MOXD1: variants seen among roughly 807,000 people sequenced by gnomAD.
MOXD1 encodes the protein monooxygenase DBH like 1.
MOXD1 carries 62 observed loss-of-function variants against 66.6 expected under a neutral mutation model. That is an observed-to-expected ratio of 0.93 (90% CI 0.76 to 1.15). MOXD1 has a LOEUF of 1.15. MOXD1 is among the 50% of genes most tolerant of loss of function. MOXD1 has a pLI of 0.00. For synonymous variants in MOXD1, 303 were observed against 281.9 expected (o/e 1.07, Z -0.75); for missense variants, 847 against 754.6 (o/e 1.12, Z -1.44).
At chr6:132,336,448 G>A (rs1294364834) in intron 4 of MOXD1, among the ~76,000 whole-genome samples, 1 of 152,166 alleles carries the variant, frequency 6.6e-6, no homozygotes, top group African/African-American at 2.4e-5. Flanking sequence ...GACAATGGGA[G>A]CACAGAGGTA....
At chr6:132,350,424 C>G (rs1775779554) in intron 4 of MOXD1, among the ~76,000 whole-genome samples, 1 of 152,160 alleles carries the variant, frequency 6.6e-6, no homozygotes, top group Non-Finnish European at 1.5e-5. Context: ...TGTCGAAGAA[C>G]AGTTGGCTGT....
chr6:132,381,331 C>T (rs1188745419), intron 1 of MOXD1, among the ~76,000 whole-genome samples: 1 of 152,128 alleles, frequency 6.6e-6, no homozygotes, highest in Non-Finnish European at 1.5e-5. Flanking sequence ...TTTCTTCTGT[C>T]TGTATTAAGA....
chr6:132,386,158 T>A (rs1244648830), intron 1 of MOXD1, among the ~76,000 whole-genome samples: 2 of 137,830 alleles, frequency 1.5e-5, no homozygotes, highest in East Asian at 5.6e-4. Flanking sequence ...ATCCCAGCGC[T>A]TTGGGAGGCC....
chr6:132,327,158 C>T (rs1775208259), intron 6 of MOXD1, among the ~76,000 whole-genome samples: 1 of 152,182 alleles, frequency 6.6e-6, no homozygotes, highest in Admixed American at 6.5e-5. Context: ...CTTTTTAGCC[C>T]ATCCCCACCA....
rs867272747 is a variant in MOXD1 at position 132,344,840 on chromosome 6, C to T, written c.664-16246G>A. ...CTTTGGGTAAATAGGCTGCCCAACTCGTGTCTCACTCTCTGCTGAAAGCTG... is the reference window on the plus strand; with the variant it reads ...CTTTGGGTAAATAGGCTGCCCAACTTGTGTCTCACTCTCTGCTGAAAGCTG... On this transcript the variant is annotated intron_variant, in intron 4 of 11. Coordinates refer to ENST00000367963, the MANE Select transcript of MOXD1 (RefSeq NM_015529.4). Among the ~76,000 whole-genome samples the T allele has an allele frequency of 1.2e-4, 19 of 152,286 alleles. No individual in the cohort carries two copies. In the Middle Eastern group the frequency reaches 0.01, roughly 82 times the overall value.
chr6:132,326,157 A>G (rs1775183371), intron 6 of MOXD1, among the ~76,000 whole-genome samples: 1 of 152,146 alleles, frequency 6.6e-6, no homozygotes, highest in African/African-American at 2.4e-5. Context: ...ATAAAGTAAT[A>G]ATTTCTTAAG....
At chr6:132,390,013 A>G (rs1776725806) in intron 1 of MOXD1, among the ~76,000 whole-genome samples, 1 of 151,474 alleles carries the variant, frequency 6.6e-6, no homozygotes, top group Non-Finnish European at 1.5e-5. Context: ...ATATTATTGA[A>G]GATGAGAAAG....
At chr6:132,309,157 G>A (rs1285123244) in intron 10 of MOXD1, among the ~76,000 whole-genome samples, 3 of 152,152 alleles carry the variant, frequency 2.0e-5, no homozygotes, top group Non-Finnish European at 4.4e-5. Context: ...AAACTGATAA[G>A]CATCTTCAGC....
At chr6:132,346,629 G>A (rs1775674056) in intron 4 of MOXD1, among the ~76,000 whole-genome samples, 1 of 152,164 alleles carries the variant, frequency 6.6e-6, no homozygotes, top group African/African-American at 2.4e-5. Context: ...GGTAATGAAA[G>A]CAGGAGAAAT....
At chr6:132,349,382 T>TATATATATATACACATATATATAC (rs1775737748) in intron 4 of MOXD1, among the ~76,000 whole-genome samples, 1 of 110,306 alleles carries the variant, frequency 9.1e-6, no homozygotes, top group Non-Finnish European at 1.8e-5. Context: ...TATATACATG[T>TATATATATATACACATATATATAC]ATATATATAT....
chr6:132,331,147 T>A (rs764454564), intron 4 of MOXD1, among the ~76,000 whole-genome samples: 5 of 152,192 alleles, frequency 3.3e-5, no homozygotes, highest in Non-Finnish European at 7.3e-5. Context: ...TTTTTATGTC[T>A]AGTTTGAGCT....
At chr6:132,349,485 A>ATATATATATATACG (rs1775759205) in intron 4 of MOXD1, among the ~76,000 whole-genome samples, 2 of 24,942 alleles carry the variant, frequency 8.0e-5, no homozygotes, top group Non-Finnish European at 1.7e-4. Flanking sequence ...ATATATACAT[A>ATATATATATATACG]TATATATATA....
At chr6:132,379,044 G>C (rs1026382420) in intron 1 of MOXD1, among the ~76,000 whole-genome samples, 1 of 150,490 alleles carries the variant, frequency 6.6e-6, no homozygotes, top group Non-Finnish European at 1.5e-5. Flanking sequence ...GCATTACTTT[G>C]TTACCAAAAT....
Position 132,297,117 on chromosome 6 carries a change from T to C in MOXD1, c.*36A>G. Reference sequence around the variant, plus strand: ...CTGTACTTCAAATGACAGGTTCAGATCATAGAAAACATTGTCAAGTCCAAC... The same window carrying C: ...CTGTACTTCAAATGACAGGTTCAGACCATAGAAAACATTGTCAAGTCCAAC... On this transcript the variant is annotated 3_prime_UTR_variant, in exon 12 of 12. Transcript: ENST00000367963. The C allele has an allele frequency of 6.2e-7, 1 of 1,604,146 alleles. No homozygotes were observed.
chr6:132,370,542 A>C (rs1281600396), intron 4 of MOXD1, among the ~76,000 whole-genome samples: 1 of 152,106 alleles, frequency 6.6e-6, no homozygotes, highest in African/African-American at 2.4e-5. Context: ...CAAGATAAGG[A>C]ATCTATCCTA....
chr6:132,319,790 C>T (rs1775037611), intron 9 of MOXD1, among the ~76,000 whole-genome samples: 1 of 151,624 alleles, frequency 6.6e-6, no homozygotes, highest in African/African-American at 2.4e-5. Flanking sequence ...TCATAGCTAA[C>T]TTCTACCTAG....
At chr6:132,367,524 C>A (rs1270406279) in intron 4 of MOXD1, among the ~76,000 whole-genome samples, 1 of 152,014 alleles carries the variant, frequency 6.6e-6, no homozygotes, top group Non-Finnish European at 1.5e-5. Context: ...AAGTATAATC[C>A]TCTCTTAAAA....
At position 132,315,796 on chromosome 6, in the gene MOXD1, T is replaced by C; in HGVS notation, c.1366-19A>G. ...GTCCTCCCTGAAAACAGATAGTTTATTTAGCAAAGTATGTGTTCTACCAAC... is the reference window on the plus strand; with the variant it reads ...GTCCTCCCTGAAAACAGATAGTTTACTTAGCAAAGTATGTGTTCTACCAAC... On this transcript the variant is annotated intron_variant, in intron 9 of 11. Coordinates refer to ENST00000367963, the MANE Select transcript of MOXD1 (RefSeq NM_015529.4). The C allele has an allele frequency of 6.2e-7, 1 of 1,612,186 alleles. No individual in the cohort carries two copies. The highest frequency in any genetic ancestry group is 2.2e-5 in the East Asian group (1 of 44,778).
At chr6:132,351,394 A>G (rs1372928486) in intron 4 of MOXD1, among the ~76,000 whole-genome samples, 2 of 152,150 alleles carry the variant, frequency 1.3e-5, no homozygotes, top group Non-Finnish European at 2.9e-5. Flanking sequence ...ATCTATTGAG[A>G]TGATCAGGTG....
Sources: gnomAD v4.1 joint callset for allele counts (sites outside exome capture counted in the v4.1 genomes callset) on GRCh38, gnomAD v4.1.1 for gene constraint, MANE v1.5 for transcripts, NCBI Gene and HGNC (gene_info 2026-07-23, HGNC 2026-07-21) for gene names.